Variants in OVCH1 observed in about 807,000 individuals in gnomAD.
The protein encoded by OVCH1 is ovochymase-1.
Under a neutral mutation model 138.4 loss-of-function variants are expected in OVCH1, and 139 were observed. The observed-to-expected ratio is 1.00, with a 90% confidence interval of 0.87 to 1.16. OVCH1 has a LOEUF of 1.16. OVCH1 is among the 50% of genes most tolerant of loss of function. OVCH1 has a pLI of 0.00. For synonymous variants in OVCH1, 453 were observed against 467.8 expected (o/e 0.97, Z 0.41); for missense variants, 1,367 against 1,357.9 (o/e 1.01, Z -0.11).
At chr12:29,455,437 C>A (rs371178789) in intron 19 of OVCH1, 32 bp from the exon 20 acceptor site, 2 of 1,564,278 alleles carry the variant, frequency 1.3e-6, no homozygotes, top group Non-Finnish European at 8.6e-7. Context: ...TTTTAGAAAA[C>A]TGCTTTAATC....
intron 26 of OVCH1, among the ~76,000 whole-genome samples, chr12:29,438,762 TTAC>T (rs1174336722): frequency 6.6e-6 from 1 of 152,224 alleles, no homozygotes; most frequent in Non-Finnish European, 1.5e-5. Context: ...GGTTTTAAGA[TTAC>T]AATTGCTATA....
intron 3 of OVCH1, among the ~76,000 whole-genome samples, chr12:29,420,484 T>G (rs1270950186): frequency 4.1e-4 from 1 of 2,440 alleles, no homozygotes; most frequent in African/African-American, 6.2e-4. Context: ...AAAAAGCAGC[T>G]TTTTTTTTTT....
At chr12:29,466,056 C>G (rs757674209) in intron 16 of OVCH1, among the ~76,000 whole-genome samples, 4 of 131,058 alleles carry the variant, frequency 3.1e-5, no homozygotes, top group African/African-American at 5.9e-5. Flanking sequence ...ATGAGAACAC[C>G]TAGACACAGG....
At chr12:29,489,545 C>A in intron 6 of OVCH1, 75 bp downstream of exon 6, 2 of 1,428,536 alleles carry the variant, frequency 1.4e-6, no homozygotes, top group Non-Finnish European at 9.3e-7. Flanking sequence ...GAAACATGAG[C>A]TTCTTTTGGG....
rs1943264039 is a variant in OVCH1, at chr12:29,491,210, G to A, written c.455-18C>T. ...AGCATTTCCTGAGAAAACAACAAAG[G>A]CATGAGGTTCATGGATAAATACGCC... On this transcript the variant is annotated intron_variant, in intron 4 of 27. Coordinates refer to ENST00000318184, the Ensembl canonical transcript of OVCH1. 2 of 1,592,422 alleles carry A rather than the reference G, an allele frequency of 1.3e-6. No individual in the cohort carries two copies.
At chr12:29,427,485 T>A, downstream of OVCH1, 2 of 1,523,348 alleles carry the variant, frequency 1.3e-6, no homozygotes, top group Non-Finnish European at 1.8e-6. Context: ...AGCATTTGAA[T>A]GATTGAGGAC....
At chr12:29,457,551 G>A (rs1347091750) in intron 19 of OVCH1, among the ~76,000 whole-genome samples, 4 of 151,210 alleles carry the variant, frequency 2.6e-5, no homozygotes, top group Non-Finnish European at 5.9e-5. Context: ...CTACAGACGC[G>A]CACCGTCAAG....
chr12:29,431,952 A>C (rs761273194), intron 27 of OVCH1, among the ~76,000 whole-genome samples: 8 of 152,176 alleles, frequency 5.3e-5, no homozygotes, highest in Non-Finnish European at 1.0e-4. Context: ...CTACCTCCTT[A>C]TTTTCCACTC....
intron 27 of OVCH1, among the ~76,000 whole-genome samples, chr12:29,433,594 C>G (rs537817404): frequency 1.5e-4 from 23 of 152,228 alleles, no homozygotes; most frequent in Non-Finnish European, 2.9e-4. Flanking sequence ...ACTGTAAGTG[C>G]TACTATGGCA....
intron 3 of OVCH1, among the ~76,000 whole-genome samples, chr12:29,421,441 T>C (rs1941103185): frequency 6.6e-6 from 1 of 152,214 alleles, no homozygotes; most frequent in Non-Finnish European, 1.5e-5. Context: ...CTTGCACTGC[T>C]TTTAAAATAA....
At chr12:29,468,121 G>A (rs2350531) in intron 16 of OVCH1, among the ~76,000 whole-genome samples, 29,976 of 151,974 alleles carry the variant, frequency 0.2, 3,662 homozygotes, top group African/African-American at 0.35. Context: ...ATATATACAA[G>A]TACTATAAAA....
chr12:29,428,564 A>G (rs576768050), intron 27 of OVCH1, among the ~76,000 whole-genome samples: 1 of 152,314 alleles, frequency 6.6e-6, no homozygotes, highest in East Asian at 1.9e-4. Flanking sequence ...AGGAAAACCA[A>G]TAGCTTGAAC....
chr12:29,469,012 G>C lies in OVCH1; in HGVS notation c.1856+2790C>G, dbSNP rs959774450. Among the ~76,000 whole-genome samples, 4 of 152,148 alleles carry C rather than the reference G, an allele frequency of 2.6e-5. No individual in the cohort carries two copies. The East Asian group carries it at 7.7e-4, about 29-fold the overall frequency. On this transcript the variant is annotated intron_variant, in intron 16 of 27. Transcript: ENST00000318184. ...AGAGTATCTTGCAGTGTTACAAAAG[G>C]ATGAGGGAGTGTCAAAGAGACACAG...
At chr12:29,494,783 G>C (rs949525700) in intron 4 of OVCH1, among the ~76,000 whole-genome samples, 1 of 152,212 alleles carries the variant, frequency 6.6e-6, no homozygotes, top group South Asian at 2.1e-4. Context: ...GAAGATAGAG[G>C]GTAAACCTGT....
At chr12:29,462,862 T>C (rs549729182) in intron 18 of OVCH1, among the ~76,000 whole-genome samples, 1 of 152,296 alleles carries the variant, frequency 6.6e-6, no homozygotes, top group Admixed American at 6.5e-5. Flanking sequence ...CTCTAAATCT[T>C]GCATTCTTCT....
intron 4 of OVCH1, among the ~76,000 whole-genome samples, chr12:29,493,952 T>C (rs1434987382): frequency 6.6e-6 from 1 of 152,206 alleles, no homozygotes; most frequent in Non-Finnish European, 1.5e-5. Context: ...TTTATTTTGC[T>C]TTTGCCAGAG....
At chr12:29,467,300 T>C (rs948588792) in intron 16 of OVCH1, among the ~76,000 whole-genome samples, 2 of 152,184 alleles carry the variant, frequency 1.3e-5, no homozygotes, top group East Asian at 1.9e-4. Context: ...GAATTGACAA[T>C]GTAGTCCACA....
chr12:29,485,724 C>T (rs1022138342), intron 8 of OVCH1, among the ~76,000 whole-genome samples: 5 of 150,034 alleles, frequency 3.3e-5, no homozygotes, highest in South Asian at 2.1e-4. Context: ...TGCAGTGAGC[C>T]GAGATTGTGC....
chr12:29,439,420 T>A, exon 26 of OVCH1: 1 of 1,529,910 alleles, frequency 6.5e-7, no homozygotes, highest in South Asian at 1.3e-5. Context: ...ATTGCCAGAG[T>A]TCCAGCGAAT....
Sources: gnomAD v4.1 joint callset for allele counts (sites outside exome capture counted in the v4.1 genomes callset) on GRCh38, gnomAD v4.1.1 for gene constraint, MANE v1.5 for transcripts, NCBI Gene and HGNC (gene_info 2026-07-23, HGNC 2026-07-21) for gene names.